Variants in PLEKHA5 observed in about 807,000 individuals in gnomAD.
PLEKHA5 encodes pleckstrin homology domain-containing family A member 5.
Under a neutral mutation model 181.9 loss-of-function variants are expected in PLEKHA5, and 55 were observed. The ratio of observed to expected loss-of-function variants is 0.30; its 90% CI spans 0.24 to 0.38. The LOEUF (loss-of-function observed/expected upper bound fraction) is 0.38, where lower values mean the gene tolerates loss of function less well. PLEKHA5 is among the 10% of genes least tolerant of loss of function. The probability of loss-of-function intolerance (pLI) is 1.00; values close to 1 mark genes in which losing one functional copy is unlikely to be tolerated. For synonymous variants in PLEKHA5, 535 were observed against 529.4 expected, an observed-to-expected ratio of 1.01 and a Z score of -0.15; for missense variants, 1,432 against 1,549.5, an observed-to-expected ratio of 0.92 and a Z score of 1.27.
intron 3 of PLEKHA5, among the ~76,000 whole-genome samples, chr12:19,209,339 G>A (rs1315735529): frequency 2.0e-4 from 30 of 152,158 alleles, no homozygotes; most frequent in Non-Finnish European, 2.9e-5. Context: ...CAATGTTAGA[G>A]ATGAAGCTTG....
chr12:19,178,361 A>G (rs1157889923), intron 3 of PLEKHA5, among the ~76,000 whole-genome samples: 7 of 151,896 alleles, frequency 4.6e-5, no homozygotes, highest in Admixed American at 2.0e-4. Flanking sequence ...CCCATCATTA[A>G]AGACAGTAGC....
At chr12:19,320,230 G>A (rs929789189) in intron 17 of PLEKHA5, among the ~76,000 whole-genome samples, 174 bp downstream of exon 17, 4 of 151,948 alleles carry the variant, frequency 2.6e-5, no homozygotes, top group Non-Finnish European at 5.9e-5. Context: ...CAGTTGCTAC[G>A]ATTGTATTTG....
Position 19,263,324 on chromosome 12 carries a change from C to T in PLEKHA5, c.610+2303C>T, listed in dbSNP as rs990219656. 9.5e-4 allele frequency among the ~76,000 whole-genome samples: 145 copies of T among 152,240 alleles called. 1 individual carries two copies. The highest frequency in any genetic ancestry group is 3.4e-3 in the Middle Eastern group (1 of 294). On this transcript the variant is annotated intron_variant, in intron 7 of 31. Transcript: ENST00000429027. ...GGAAACTCATATACAAAGTGCTTAC[C>T]TCAGGTCTCACAATTCGCAAGTGGC...
At chr12:19,168,007 T>G (rs1466402841) in intron 3 of PLEKHA5, among the ~76,000 whole-genome samples, 1 of 152,194 alleles carries the variant, frequency 6.6e-6, no homozygotes, top group Non-Finnish European at 1.5e-5. Flanking sequence ...AAGTATGATA[T>G]GTATATCGGT....
intron 31 of PLEKHA5, chr12:19,372,278 C>T (rs1404453517): frequency 6.6e-6 from 1 of 152,218 alleles, no homozygotes; most frequent in Non-Finnish European, 1.5e-5. Context: ...GCGTGACCCA[C>T]TGCACCCGGC....
chr12:19,265,130 G>A (rs573056757), intron 7 of PLEKHA5, among the ~76,000 whole-genome samples: 78 of 152,270 alleles, frequency 5.1e-4, no homozygotes, highest in African/African-American at 1.8e-3. Context: ...AATTTATATA[G>A]CATAGTTCAA....
At chr12:19,299,783 G>C (rs1227538420) in intron 15 of PLEKHA5, among the ~76,000 whole-genome samples, 1 of 152,124 alleles carries the variant, frequency 6.6e-6, no homozygotes, top group African/African-American at 2.4e-5. Flanking sequence ...ATTAGGTCCA[G>C]TTGCTCATTT....
intron 15 of PLEKHA5, among the ~76,000 whole-genome samples, chr12:19,304,892 C>T (rs532691764): frequency 1.3e-5 from 2 of 151,890 alleles, no homozygotes; most frequent in African/African-American, 4.8e-5. Flanking sequence ...CCCAGGAGTT[C>T]GAGACTAGCC....
chr12:19,302,832 A>G (rs144828852), intron 15 of PLEKHA5, among the ~76,000 whole-genome samples: 54 of 151,554 alleles, frequency 3.6e-4, no homozygotes, highest in African/African-American at 8.0e-4. Flanking sequence ...CAAGTAGTCA[A>G]TATTGAACTA....
At position 19,274,856 on chromosome 12, in the gene PLEKHA5, A is replaced by G. The variant is rs1166422494; in HGVS notation, c.1186A>G (p.Asn396Asp). 6.2e-7 allele frequency: 1 copy of G among 1,614,032 alleles called. No individual in the cohort carries two copies. The highest frequency in any genetic ancestry group is 2.2e-5 in the East Asian group (1 of 44,878). The part of the protein sequence containing the change: ...NVSLADLRGG[N>D]RPNTGPLYTE... ...TAGCCTGGCAGATCTTAGAGGTGGA[A>G]ATCGCCCCAATACAGGGCCCTTATA... The change falls in exon 11 of 32, where the codon AAT becomes GAT. Residue 396 changes from asparagine (N) to aspartate (D), a missense_variant. Coordinates refer to ENST00000429027, the MANE Select transcript of PLEKHA5 (RefSeq NM_001256470.2).
intron 6 of PLEKHA5, among the ~76,000 whole-genome samples, chr12:19,259,626 C>A (rs1460690965): frequency 6.6e-6 from 1 of 151,900 alleles, no homozygotes; most frequent in Non-Finnish European, 1.5e-5. Context: ...TGGTGCACGA[C>A]TGTAATCCTA....
At chr12:19,273,342 A>G (rs192598718) in intron 10 of PLEKHA5, among the ~76,000 whole-genome samples, 1 of 152,298 alleles carries the variant, frequency 6.6e-6, no homozygotes, top group East Asian at 1.9e-4. Flanking sequence ...ACTTTACTCC[A>G]AGAAAAATAG....
chr12:19,340,406 G>C (rs1252973305), intron 21 of PLEKHA5, among the ~76,000 whole-genome samples: 1 of 142,234 alleles, frequency 7.0e-6, no homozygotes, highest in Non-Finnish European at 1.6e-5. Context: ...CCCCGTCCGG[G>C]AGGTGAGGGG....
intron 3 of PLEKHA5, among the ~76,000 whole-genome samples, chr12:19,227,703 G>A (rs1420986205): frequency 6.6e-6 from 1 of 152,164 alleles, no homozygotes; most frequent in Admixed American, 6.5e-5. Context: ...AGGAAATGTA[G>A]TACTTTTGCA....
intron 15 of PLEKHA5, chr12:19,306,315 G>A (rs369689401): frequency 2.6e-6 from 1 of 389,918 alleles, no homozygotes; most frequent in Non-Finnish European, 5.0e-6. Context: ...AAAATTGTGG[G>A]GTTGGAGGCG....
At chr12:19,343,189 A>G (rs901524075) in intron 21 of PLEKHA5, 134 bp from the exon 22 acceptor site, 2 of 508,122 alleles carry the variant, frequency 3.9e-6, no homozygotes. Flanking sequence ...CACATCAATC[A>G]TATTAAATAT....
At chr12:19,141,145 C>CTCTT (rs1475605426) in intron 3 of PLEKHA5, among the ~76,000 whole-genome samples, 2 of 152,018 alleles carry the variant, frequency 1.3e-5, no homozygotes, top group African/African-American at 4.8e-5. Flanking sequence ...TTCTTCAAGG[C>CTCTT]TCTTCCTCAC....
intron 25 of PLEKHA5, among the ~76,000 whole-genome samples, chr12:19,353,167 A>C (rs1262691488): frequency 6.7e-6 from 1 of 149,044 alleles, no homozygotes; most frequent in Non-Finnish European, 1.5e-5. Flanking sequence ...TTTTTTATTT[A>C]TTTTTGAGAC....
At position 19,366,962 on chromosome 12, in the gene PLEKHA5, C is replaced by A. The variant is rs542707213; in HGVS notation, c.3754+853C>A. On this transcript the variant is annotated intron_variant, in intron 30 of 31. Coordinates refer to ENST00000429027, the MANE Select transcript of PLEKHA5 (RefSeq NM_001256470.2). ...GGCAGAGTACTCCCTCTGTTGCCAG[C>A]GCTGGAGTGCAGTGGCGCTATCTTG... is the stretch of plus-strand genomic sequence containing the variant. Among the ~76,000 whole-genome samples, 10 of 152,090 alleles carry A rather than the reference C, an allele frequency of 6.6e-5. No individual in the cohort carries two copies. In the East Asian group the frequency reaches 1.9e-3, roughly 30 times the overall value.
Sources: allele counts gnomAD v4.1 joint callset (sites outside exome capture counted in the v4.1 genomes callset), GRCh38; gene constraint gnomAD v4.1.1; transcripts MANE v1.5; gene names NCBI Gene and HGNC (gene_info 2026-07-23, HGNC 2026-07-21).